TXLNB: variants seen among roughly 807,000 people sequenced by gnomAD.
The protein encoded by TXLNB is taxilin beta.
Under a neutral mutation model 57.4 loss-of-function variants are expected in TXLNB, and 37 were observed. That is an observed-to-expected ratio of 0.64 (90% confidence interval 0.50 to 0.85). The LOEUF (loss-of-function observed/expected upper bound fraction) is 0.85, where lower values mean the gene tolerates loss of function less well. Ranked by LOEUF, TXLNB falls within the 40% of genes least tolerant of loss-of-function variation. The pLI is 0.00. For missense variants in TXLNB, 848 were observed against 825.6 expected, an observed-to-expected ratio of 1.03 and a Z score of -0.33; for synonymous variants, 302 against 309.6, an observed-to-expected ratio of 0.98 and a Z score of 0.26.
intron 4 of TXLNB, among the ~76,000 whole-genome samples, chr6:139,262,997 C>T (rs2114522849): frequency 6.6e-6 from 1 of 152,258 alleles, no homozygotes; most frequent in Admixed American, 6.5e-5. Flanking sequence ...AATTTGTAGT[C>T]AGTGATGAAT....
the TXLNB span, chr6:139,166,918 C>G: frequency 6.2e-7 from 1 of 1,614,110 alleles, no homozygotes; most frequent in Non-Finnish European, 8.5e-7. Flanking sequence ...AGAACGCCAT[C>G]CATCTGGAGC....
intron 1 of TXLNB, among the ~76,000 whole-genome samples, chr6:139,290,566 A>T (rs1232869434): frequency 6.6e-6 from 1 of 152,214 alleles, no homozygotes; most frequent in Non-Finnish European, 1.5e-5. Flanking sequence ...TGTTTCATAA[A>T]CAAGGAGGAG....
downstream of TXLNB, chr6:139,240,012 CAAA>C (rs1037016443): frequency 6.6e-6 from 1 of 151,524 alleles, no homozygotes; most frequent in African/African-American, 2.4e-5. Context: ...GTAATAAAAA[CAAA>C]AATAAAATAA....
At chr6:139,191,550 A>G in the TXLNB span, among the ~76,000 whole-genome samples, 1 of 152,218 alleles carries the variant, frequency 6.6e-6, no homozygotes, top group East Asian at 1.9e-4. Context: ...ATTACTAGAG[A>G]AAGTTCTATT....
the TXLNB span, among the ~76,000 whole-genome samples, chr6:139,319,145 T>C: frequency 2.0e-5 from 3 of 152,054 alleles, no homozygotes; most frequent in African/African-American, 4.8e-5. Flanking sequence ...GGTTTTACCA[T>C]GTTGGCCAGG....
the TXLNB span, among the ~76,000 whole-genome samples, chr6:139,308,616 C>G: frequency 2.6e-3 from 389 of 152,190 alleles, 1 homozygote; most frequent in African/African-American, 9.0e-3. Flanking sequence ...GTTGACTTTC[C>G]AATTTTGTTC....
chr6:139,192,127 G>A, the TXLNB span, among the ~76,000 whole-genome samples: 1 of 152,304 alleles, frequency 6.6e-6, no homozygotes, highest in African/African-American at 2.4e-5. Flanking sequence ...GTATAACAGT[G>A]AAATAAGTGG....
chr6:139,295,555 C>T (rs1295249587), upstream of TXLNB, among the ~76,000 whole-genome samples: 2 of 151,312 alleles, frequency 1.3e-5, no homozygotes, highest in African/African-American at 2.4e-5. Context: ...GAGGTAATAA[C>T]ATAAAACTGT....
chr6:139,319,389 T>G, the TXLNB span, among the ~76,000 whole-genome samples: 29 of 151,790 alleles, frequency 1.9e-4, no homozygotes, highest in African/African-American at 6.5e-4. Context: ...TGTGAGCCAC[T>G]GCACCCATCC....
At chr6:139,160,480 C>T in the TXLNB span, among the ~76,000 whole-genome samples, 2 of 152,164 alleles carry the variant, frequency 1.3e-5, no homozygotes, top group African/African-American at 4.8e-5. Flanking sequence ...CACTCATTGC[C>T]GAGGCTCACT....
chr6:139,301,841 T>C, the TXLNB span, among the ~76,000 whole-genome samples: 1 of 152,082 alleles, frequency 6.6e-6, no homozygotes, highest in African/African-American at 2.4e-5. Flanking sequence ...AGCAACTCTG[T>C]GTATATTAAT....
chr6:139,184,978 G>A, the TXLNB span, among the ~76,000 whole-genome samples: 456 of 152,242 alleles, frequency 3.0e-3, 3 homozygotes, highest in Non-Finnish European at 4.0e-3. Context: ...TTGAATAAGC[G>A]CTTTATGCCT....
intron 7 of TXLNB, among the ~76,000 whole-genome samples, chr6:139,249,921 GA>G (rs1776154585): frequency 6.6e-6 from 1 of 152,114 alleles, no homozygotes; most frequent in Non-Finnish European, 1.5e-5. Flanking sequence ...TCATGGCCAA[GA>G]AGGGGCTCTA....
At chr6:139,171,068 G>A in the TXLNB span, among the ~76,000 whole-genome samples, 1 of 152,196 alleles carries the variant, frequency 6.6e-6, no homozygotes, top group Non-Finnish European at 1.5e-5. Context: ...GCGGGCAGAA[G>A]ATGAGGTTTC....
chr6:139,262,866 A>C, intron 4 of TXLNB, 93 bp from the exon 5 acceptor site: 1 of 1,282,744 alleles, frequency 7.8e-7, no homozygotes, highest in Non-Finnish European at 1.1e-6. Context: ...TGTGCAGAGT[A>C]GGTGGGATGT....
At chr6:139,223,246 AAT>A in the TXLNB span, among the ~76,000 whole-genome samples, 1 of 152,222 alleles carries the variant, frequency 6.6e-6, no homozygotes, top group African/African-American at 2.4e-5. Context: ...AAAATTTAAA[AAT>A]ATTTTGAATG....
downstream of TXLNB, among the ~76,000 whole-genome samples, chr6:139,236,768 C>A (rs779525710): frequency 3.3e-5 from 5 of 152,138 alleles, no homozygotes; most frequent in Non-Finnish European, 5.9e-5. Context: ...CCACACCTGG[C>A]TAATTTTGTA....
the TXLNB span, among the ~76,000 whole-genome samples, chr6:139,203,211 T>C: frequency 6.6e-6 from 1 of 152,196 alleles, no homozygotes; most frequent in African/African-American, 2.4e-5. Context: ...CTACACATAT[T>C]TTCTTTCCTT....
chr6:139,249,456 G>A (rs559274195), intron 7 of TXLNB, among the ~76,000 whole-genome samples: 260 of 152,274 alleles, frequency 1.7e-3, no homozygotes, highest in Non-Finnish European at 3.2e-3. Flanking sequence ...TGCAGCATCC[G>A]TCAATAAACA....
Sources: gnomAD v4.1 joint callset for allele counts (sites outside exome capture counted in the v4.1 genomes callset) on GRCh38, gnomAD v4.1.1 for gene constraint, MANE v1.5 for transcripts, NCBI Gene and HGNC (gene_info 2026-07-23, HGNC 2026-07-21) for gene names.